WDR1: variants seen among roughly 807,000 people sequenced by gnomAD.
The protein encoded by WDR1 is WD repeat domain 1, also known as WD repeat-containing protein 1.
Under a neutral mutation model 71.9 loss-of-function variants are expected in WDR1, and 21 were observed. That is an observed-to-expected ratio of 0.29 (90% CI 0.21 to 0.42). The LOEUF is 0.42. Among genes scored for constraint, WDR1 ranks in the 10% least tolerant of loss-of-function variants. The pLI is 1.00. For synonymous variants in WDR1, 424 were observed against 347.4 expected, an observed-to-expected ratio of 1.22 and a Z score of -2.45; for missense variants, 696 against 824.5, an observed-to-expected ratio of 0.84 and a Z score of 1.91.
intron 2 of WDR1, among the ~76,000 whole-genome samples, chr4:10,105,833 A>C (rs1349622536): frequency 1.3e-5 from 2 of 152,236 alleles, no homozygotes; most frequent in Non-Finnish European, 2.9e-5. Flanking sequence ...ATGTTCACAG[A>C]AGCTTTCTTT....
intron 8 of WDR1, 147 bp downstream of exon 8, chr4:10,087,560 T>C: frequency 1.3e-6 from 1 of 760,746 alleles, no homozygotes; most frequent in Non-Finnish European, 2.1e-6. Context: ...CATCCCAGCC[T>C]TCCACCAAAA....
At chr4:10,093,070 T>C in intron 5 of WDR1, 1 of 1,289,120 alleles carries the variant, frequency 7.8e-7, no homozygotes, top group South Asian at 1.2e-5. Flanking sequence ...CTTGAAGCAC[T>C]GAGGTCATAA....
chr4:10,111,857 G>C (rs1713388416), intron 2 of WDR1, among the ~76,000 whole-genome samples: 1 of 149,454 alleles, frequency 6.7e-6, no homozygotes, highest in South Asian at 2.1e-4. Flanking sequence ...ACTGCGCCTG[G>C]GTTCCCAGCA....
rs770735300 is a variant in WDR1 at position 10,099,154 on chromosome 4, G to A, written c.230-15C>T. On this transcript the variant is annotated splice_polypyrimidine_tract_variant and intron_variant, in intron 3 of 14. Transcript: ENST00000499869. ...CCCAGACACATCTGTGGGGCACAGC[G>A]GGCGGGGGAGGGGGGGAGGCGGTGG... 2.2e-5 allele frequency: 35 copies of A among 1,573,632 alleles called. No homozygotes were observed. Among genetic ancestry groups the A allele is most frequent in the Admixed American group, 3.4e-5 (2 of 59,132 alleles).
intron 2 of WDR1, among the ~76,000 whole-genome samples, chr4:10,114,561 A>G (rs1713591918): frequency 6.6e-6 from 1 of 152,258 alleles, no homozygotes; most frequent in African/African-American, 2.4e-5. Context: ...AGGCCTGGTT[A>G]GGGGCAAAAC....
intron 5 of WDR1, chr4:10,091,806 C>T (rs562410979): frequency 6.6e-6 from 1 of 152,312 alleles, no homozygotes; most frequent in Non-Finnish European, 1.5e-5. Flanking sequence ...CATGTCAGTC[C>T]ATAGGGTCCA....
chr4:10,089,015 C>G (rs113063781), intron 5 of WDR1, among the ~76,000 whole-genome samples: 441 of 152,322 alleles, frequency 2.9e-3, no homozygotes, highest in African/African-American at 9.6e-3. Flanking sequence ...TATGCCCCCC[C>G]CAGTGAGGTG....
At chr4:10,091,226 T>C (rs1204761457) in intron 5 of WDR1, among the ~76,000 whole-genome samples, 6 of 152,274 alleles carry the variant, frequency 3.9e-5, no homozygotes, top group Non-Finnish European at 8.8e-5. Flanking sequence ...CAGTTCTGCA[T>C]CTTGCTTCTT....
Position 10,074,730 on chromosome 4 carries a change from CA to C in WDR1, c.*647del, listed in dbSNP as rs1764730869. ...GCACTAGTTTGTAAACACTGACAGG[CA>C]ACAGTTAAGATACATTAAAAAAAAA... On this transcript the variant is annotated 3_prime_UTR_variant, in exon 15 of 15. Transcript: ENST00000499869. The C allele has an allele frequency of 1.3e-5, 2 of 151,444 alleles. No homozygotes were observed. Among genetic ancestry groups the C allele is most frequent in the African/African-American group, 4.8e-5 (2 of 41,264 alleles). The allele number at this position is 151,444 out of a possible 1,614,324, so 9.4% of individuals were successfully genotyped here. A position where few individuals can be genotyped will look rare whatever the true frequency, so the allele number is the denominator to read the frequency against.
rs190119629 is a variant in WDR1 at position 10,100,735 on chromosome 4, T to C, written c.230-1596A>G. Reference sequence around the variant, plus strand: ...TCCAAAGGTGACCTGGAGATCTGCTTAGTTAAGTCCTTTCACTGATAAAAC... The same window carrying C: ...TCCAAAGGTGACCTGGAGATCTGCTCAGTTAAGTCCTTTCACTGATAAAAC... On this transcript the variant is annotated intron_variant, in intron 3 of 14. Coordinates refer to ENST00000499869, the MANE Select transcript of WDR1 (RefSeq NM_017491.5). Among the ~76,000 whole-genome samples the C allele has an allele frequency of 2.6e-4, 39 of 152,160 alleles. No individual in the cohort carries two copies. In the South Asian group the frequency reaches 6.0e-3, roughly 23 times the overall value.
intron 8 of WDR1, among the ~76,000 whole-genome samples, chr4:10,087,087 C>T (rs1578424152): frequency 6.6e-6 from 1 of 152,240 alleles, no homozygotes. Context: ...CAGAAGCAGG[C>T]ACCTTGCTCC....
rs1300877238 is a variant in WDR1 at position 10,077,314 on chromosome 4, G to C, written c.1704C>G (p.Val568=). 1 of 1,613,870 alleles carries C rather than the reference G, an allele frequency of 6.2e-7. No homozygotes were observed. The highest frequency in any genetic ancestry group is 2.2e-5 in the East Asian group (1 of 44,892). Residue 568 remains valine, a synonymous_variant, in exon 14 of 15, where the codon GTC becomes GTG. Transcript: ENST00000499869. The part of the protein sequence containing the change: ...VWTLSDPETR[V]KIQDAHRLHH... Reference sequence around the variant, plus strand: ...GGGGGCGGAAGTCACCTTGGATCTTGACTCTGGTTTCCGGGTCACTCAGGG... The same window carrying C: ...GGGGGCGGAAGTCACCTTGGATCTTCACTCTGGTTTCCGGGTCACTCAGGG...
intron 10 of WDR1, among the ~76,000 whole-genome samples, chr4:10,082,180 G>C (rs947439360): frequency 6.6e-6 from 1 of 152,190 alleles, no homozygotes; most frequent in South Asian, 2.1e-4. Flanking sequence ...GCCACTCATC[G>C]GGAGGCCCAA....
chr4:10,108,817 C>T (rs1233165479), intron 2 of WDR1, among the ~76,000 whole-genome samples: 3 of 152,242 alleles, frequency 2.0e-5, no homozygotes, highest in African/African-American at 4.8e-5. Flanking sequence ...TTCCCTGATG[C>T]TCCAAGCTAG....
chr4:10,093,210 T>G (rs2109667253), intron 5 of WDR1: 1 of 1,218,854 alleles, frequency 8.2e-7, no homozygotes, highest in Admixed American at 2.3e-5. Flanking sequence ...CCCACCCCAT[T>G]CCCCCCAGCC....
chr4:10,084,361 C>G lies in WDR1; in HGVS notation c.1039+82G>C. The stretch of plus-strand genomic sequence containing the variant: ...GCTGCAGCTGGAGCCACCTGGCTGG[C>G]CTGGCCTCTGGCATCATGGGAACAG... On this transcript the variant is annotated intron_variant, in intron 9 of 14. Coordinates refer to ENST00000499869, the MANE Select transcript of WDR1 (RefSeq NM_017491.5). The G allele has an allele frequency of 1.3e-5, 17 of 1,348,860 alleles. No homozygotes were observed. In the South Asian group the frequency reaches 2.0e-4, roughly 16 times the overall value. 83.6% of individuals were successfully genotyped at this position (1,348,860 alleles called of 1,614,324 possible).
intron 9 of WDR1, 35 bp from the exon 10 acceptor site, chr4:10,083,213 G>A (rs976183913): frequency 3.1e-6 from 5 of 1,601,636 alleles, no homozygotes; most frequent in Non-Finnish European, 4.3e-6. Flanking sequence ...CGGCTCCCAG[G>A]ACTGCTGGGT....
chr4:10,075,426 G>A lies in WDR1; in HGVS notation c.1773C>T (p.Val591=). The change falls in exon 15 of 15, where the codon GTC becomes GTT. Residue 591 remains valine (V), a synonymous_variant. Coordinates refer to ENST00000499869, the MANE Select transcript of WDR1 (RefSeq NM_017491.5). ...SLAWLDEHTL[V]TTSHDASVKE... ...TGACAGAGGCATCATGGGAGGTCGT[G>A]ACCAGCGTGTGCTCGTCCAGCCAGG... 1.9e-6 allele frequency: 3 copies of A among 1,613,998 alleles called. No homozygotes were observed. The highest frequency in any genetic ancestry group is 2.5e-6 in the Non-Finnish European group (3 of 1,179,884).
At chr4:10,099,772 A>C (rs921041454) in intron 3 of WDR1, among the ~76,000 whole-genome samples, 22 of 152,236 alleles carry the variant, frequency 1.4e-4, no homozygotes, top group African/African-American at 4.8e-4. Flanking sequence ...CCTCACTCAC[A>C]CACCGAGCAG....
Sources: allele counts gnomAD v4.1 joint callset (sites outside exome capture counted in the v4.1 genomes callset), GRCh38; gene constraint gnomAD v4.1.1; transcripts MANE v1.5; gene names NCBI Gene and HGNC (gene_info 2026-07-23, HGNC 2026-07-21).